The following REV1 variants were observed in gnomAD, a reference collection of about 807,000 sequenced individuals.
REV1 encodes the protein translesion synthesis protein REV1.
In REV1, 42 loss-of-function variants were observed where a neutral mutation model predicts 137.4. The observed-to-expected ratio is 0.31, with a 90% confidence interval of 0.24 to 0.40. The LOEUF (loss-of-function observed/expected upper bound fraction) is 0.40, where lower values mean the gene tolerates loss of function less well. REV1 is among the 10% of genes least tolerant of loss of function. The pLI is 1.00. For synonymous variants in REV1, 524 were observed against 519.2 expected, an observed-to-expected ratio of 1.01 and a Z score of -0.12; for missense variants, 1,282 against 1,490.1, an observed-to-expected ratio of 0.86 and a Z score of 2.30.
In REV1 at chr2:99,410,809, T is replaced by C; in HGVS notation, c.2231A>G (p.Glu744Gly). ...SLSEEIQRRL[E>G]ATGMKGKRLT... ...ACGTTTACCCTTCATGCCAGTGGCTTCTAGTCTTCTTTGAATTTCTTCTGA... is the reference window on the plus strand; with the variant it reads ...ACGTTTACCCTTCATGCCAGTGGCTCCTAGTCTTCTTTGAATTTCTTCTGA... Residue 744 changes from glutamate to glycine, a missense_variant, in exon 14 of 23, where the codon GAA becomes GGA. By Grantham distance (98) the Glu-to-Gly change is moderately conservative. Around this residue, in one of 7 missense-constraint regions of REV1, gnomAD observed 372 missense variants for 482.3 expected, o/e 0.77. Transcript: ENST00000258428. The C allele has an allele frequency of 6.2e-7, 1 of 1,607,098 alleles. No homozygotes were observed. Among genetic ancestry groups the C allele is most frequent in the South Asian group, 1.1e-5 (1 of 89,150 alleles).
intron 8 of REV1, among the ~76,000 whole-genome samples, chr2:99,430,541 C>T (rs376228281): frequency 6.6e-6 from 1 of 152,118 alleles, no homozygotes; most frequent in Non-Finnish European, 1.5e-5. Flanking sequence ...CACATTATCC[C>T]CCGCTACAGG....
rs779692300 is a variant in REV1 at position 99,439,191 on chromosome 2, G to T, written c.623C>A (p.Pro208Gln). 1 of 1,613,962 alleles carries T rather than the reference G, an allele frequency of 6.2e-7. No individual in the cohort carries two copies. The highest frequency in any genetic ancestry group is 8.5e-7 in the Non-Finnish European group (1 of 1,179,914). The change falls in exon 6 of 23, where the codon CCG becomes CAG. Residue 208 changes from proline (P) to glutamine (Q), a missense_variant. Pro to Gln is a moderately conservative substitution (Grantham distance 76). Around this residue, in one of 7 missense-constraint regions of REV1, gnomAD observed 432 missense variants for 438.0 expected, o/e 0.99. Transcript: ENST00000258428. ...FSFVDLEQTS[P>Q]GRKQNGIPHP... ...CGGAATTCCATTCTGTTTCCTTCCC[G>T]GAGAGGTCTGCTCCAGATCCACAAA...
At chr2:99,482,039 G>A (rs1051070919) in intron 1 of REV1, among the ~76,000 whole-genome samples, 2 of 152,154 alleles carry the variant, frequency 1.3e-5, no homozygotes, top group Non-Finnish European at 2.9e-5. Context: ...TTCAGGATGG[G>A]GCCTGGCCAT....
At chr2:99,476,610 T>C (rs1686006544) in intron 1 of REV1, among the ~76,000 whole-genome samples, 2 of 152,126 alleles carry the variant, frequency 1.3e-5, no homozygotes, top group South Asian at 2.1e-4. Flanking sequence ...TTTGTTTACC[T>C]GGGGGCTTTG....
chr2:99,464,158 T>C (rs1462961507), intron 2 of REV1, among the ~76,000 whole-genome samples: 1 of 152,246 alleles, frequency 6.6e-6, no homozygotes, highest in African/African-American at 2.4e-5. Flanking sequence ...AAAATAATTT[T>C]TTTTGCTAAA....
chr2:99,462,361 A>C (rs1009618658), intron 3 of REV1, 135 bp downstream of exon 3: 22 of 821,528 alleles, frequency 2.7e-5, no homozygotes, highest in Non-Finnish European at 3.7e-5. Flanking sequence ...GAAGTATCTA[A>C]GCAGATGATT....
At chr2:99,465,133 T>A (rs1684655338) in intron 1 of REV1, 148 bp from the exon 2 acceptor site, 1 of 671,866 alleles carries the variant, frequency 1.5e-6, no homozygotes, top group African/African-American at 1.8e-5. Flanking sequence ...TTTTCTGAAG[T>A]TCTCCATTCT....
chr2:99,486,401 T>C (rs1285963351), intron 1 of REV1, among the ~76,000 whole-genome samples: 1 of 151,786 alleles, frequency 6.6e-6, no homozygotes, highest in African/African-American at 2.4e-5. Context: ...TGGTGGCAGG[T>C]GCCTGCAGTC....
chr2:99,431,410 A>G (rs1260936193), intron 8 of REV1, among the ~76,000 whole-genome samples: 1 of 152,188 alleles, frequency 6.6e-6, no homozygotes, highest in Non-Finnish European at 1.5e-5. Flanking sequence ...AAATTTTAAT[A>G]GTCCATTCAT....
chr2:99,438,670 T>C lies in REV1; in HGVS notation c.1144A>G (p.Ile382Val), dbSNP rs749804815. The change falls in exon 6 of 23, where the codon ATC becomes GTC. Residue 382 changes from isoleucine (I) to valine (V), a missense_variant. Coordinates refer to ENST00000258428, the MANE Select transcript of REV1 (RefSeq NM_016316.4). Reference protein sequence around the residue: ...VNTLQRQSNGIFPGREKLKKM... With the variant: ...VNTLQRQSNGVFPGREKLKKM... The stretch of plus-strand genomic sequence containing the variant: ...TTTAACTTTTCCCTTCCTGGAAAGA[T>C]ACCATTACTTTGTCTTTGTAGGGTA... The C allele has an allele frequency of 1.9e-6, 3 of 1,614,212 alleles. No individual in the cohort carries two copies. Among genetic ancestry groups the C allele is most frequent in the Non-Finnish European group, 2.5e-6 (3 of 1,180,034 alleles).
chr2:99,422,514 CTA>C (rs768080522), intron 10 of REV1, among the ~76,000 whole-genome samples: 6 of 152,114 alleles, frequency 3.9e-5, no homozygotes, highest in Non-Finnish European at 2.9e-5. Flanking sequence ...ATTAAGATCT[CTA>C]TTAAAGAAAT....
intron 17 of REV1, 153 bp downstream of exon 17, chr2:99,405,757 A>T (rs1676190631): frequency 2.0e-6 from 1 of 495,220 alleles, no homozygotes; most frequent in African/African-American, 2.0e-5. Flanking sequence ...TTAGAATCCA[A>T]CATCATGATC....
chr2:99,451,310 T>C (rs1682898147), intron 3 of REV1: 2 of 1,151,006 alleles, frequency 1.7e-6, no homozygotes, highest in Admixed American at 3.5e-5. Flanking sequence ...CAAGAACACA[T>C]TAACTTTCCA....
intron 1 of REV1, among the ~76,000 whole-genome samples, chr2:99,480,271 C>CA (rs375052223): frequency 2.6e-4 from 39 of 152,232 alleles, no homozygotes; most frequent in African/African-American, 9.1e-4. Flanking sequence ...TGTAGTGAGC[C>CA]ATCATCACGT....
chr2:99,486,339 A>G (rs949939861), intron 1 of REV1, among the ~76,000 whole-genome samples: 6 of 151,956 alleles, frequency 3.9e-5, no homozygotes, highest in South Asian at 2.1e-4. Context: ...ACCATCCTGG[A>G]TAACACGGTG....
chr2:99,481,333 G>C (rs1179756739), intron 1 of REV1, among the ~76,000 whole-genome samples: 1 of 152,090 alleles, frequency 6.6e-6, no homozygotes, highest in East Asian at 1.9e-4. Context: ...CAAAATTTAT[G>C]TAATTAAAAC....
At chr2:99,403,237 TGA>T (rs1675755014) in intron 19 of REV1, 131 bp from the exon 20 acceptor site, 2 of 712,836 alleles carry the variant, frequency 2.8e-6, no homozygotes, top group East Asian at 2.7e-5. Flanking sequence ...CTGCCCCAAG[TGA>T]GAGGCAGTGA....
rs186366497 is a variant in REV1, at chr2:99,410,884, G to C, written c.2173-17C>G. The C allele has an allele frequency of 6.4e-7, 1 of 1,569,692 alleles. No individual in the cohort carries two copies. On this transcript the variant is annotated splice_polypyrimidine_tract_variant and intron_variant, in intron 13 of 22. Transcript: ENST00000258428. ...CTCTTTTGGCTATGGAAAGACAAAC[G>C]TGGAGAAACTACCATTCCACTTTCC...
At chr2:99,451,401 T>C in intron 3 of REV1, 1 of 1,299,886 alleles carries the variant, frequency 7.7e-7, no homozygotes, top group African/African-American at 1.5e-5. Context: ...AACTGGAAAA[T>C]ACATTGCCCT....
Sources: allele counts gnomAD v4.1 joint callset (sites outside exome capture counted in the v4.1 genomes callset), GRCh38; gene constraint gnomAD v4.1.1; regional missense constraint gnomAD v4.1.1; transcripts MANE v1.5; gene names NCBI Gene and HGNC (gene_info 2026-07-23, HGNC 2026-07-21).